INTS4: variants seen among roughly 807,000 people sequenced by gnomAD.
INTS4 encodes the protein MSTP093.
Under a neutral mutation model 119.5 loss-of-function variants are expected in INTS4, and 70 were observed. That is an observed-to-expected ratio of 0.59 (90% CI 0.48 to 0.71). The LOEUF (loss-of-function observed/expected upper bound fraction) is 0.71. Ranked by LOEUF, INTS4 falls within the 30% of genes least tolerant of loss-of-function variation. The probability of loss-of-function intolerance (pLI) is 0.00; values close to 1 mark genes in which losing one functional copy is unlikely to be tolerated. For missense variants in INTS4, 867 were observed against 1,173.2 expected (o/e 0.74, Z 3.81); for synonymous variants, 316 against 419.6 (o/e 0.75, Z 3.02).
chr11:77,964,533 C>T (rs1001050332), intron 4 of INTS4, among the ~76,000 whole-genome samples: 2 of 151,778 alleles, frequency 1.3e-5, no homozygotes, highest in Admixed American at 6.6e-5. Context: ...GAGATCGCGC[C>T]ACTGCACTCC....
intron 5 of INTS4, 141 bp downstream of exon 5, chr11:77,960,812 C>A: frequency 2.9e-6 from 2 of 694,748 alleles, no homozygotes; most frequent in Non-Finnish European, 2.3e-6. Context: ...ATGTGTGTCA[C>A]TGAGTTCTGC....
At chr11:77,891,078 T>C in intron 21 of INTS4, among the ~76,000 whole-genome samples, 1 of 152,144 alleles carries the variant, frequency 6.6e-6, no homozygotes, top group Non-Finnish European at 1.5e-5. Context: ...ATACATTATC[T>C]CTTTATGTCA....
At chr11:77,990,686 CAAAAAA>C (rs781257703) in intron 2 of INTS4, among the ~76,000 whole-genome samples, 5 of 98,480 alleles carry the variant, frequency 5.1e-5, no homozygotes, top group East Asian at 2.9e-4. Context: ...ACTCTGTCTC[CAAAAAA>C]AAAAAAAAAA....
intron 22 of INTS4, among the ~76,000 whole-genome samples, chr11:77,881,380 A>G (rs1469301780): frequency 6.6e-6 from 1 of 152,160 alleles, no homozygotes; most frequent in African/African-American, 2.4e-5. Flanking sequence ...AGCTCCCTAG[A>G]AACTCCAGGC....
At chr11:77,957,520 A>G (rs1954358821) in intron 7 of INTS4, among the ~76,000 whole-genome samples, 1 of 151,574 alleles carries the variant, frequency 6.6e-6, no homozygotes, top group Non-Finnish European at 1.5e-5. Flanking sequence ...ACTGCACTGC[A>G]GCCTGGGCCA....
intron 11 of INTS4, among the ~76,000 whole-genome samples, chr11:77,925,112 C>T (rs1464131135): frequency 6.6e-6 from 1 of 152,076 alleles, no homozygotes; most frequent in Non-Finnish European, 1.5e-5. Context: ...CTTCCTTTTC[C>T]ATCCTATCTG....
downstream of INTS4, among the ~76,000 whole-genome samples, chr11:77,875,376 TTTTG>T (rs1326337808): frequency 1.3e-5 from 2 of 152,318 alleles, no homozygotes; most frequent in Admixed American, 6.5e-5. Flanking sequence ...TGGAGACATG[TTTTG>T]TTTGTCTCAG....
intron 15 of INTS4, among the ~76,000 whole-genome samples, chr11:77,909,792 T>G (rs1316398425): frequency 3.9e-5 from 6 of 152,266 alleles, no homozygotes; most frequent in Non-Finnish European, 7.3e-5. Flanking sequence ...TTATTGGTGA[T>G]TTAAAACATT....
intron 2 of INTS4, among the ~76,000 whole-genome samples, chr11:77,984,673 C>T (rs1477065285): frequency 6.6e-6 from 1 of 151,814 alleles, no homozygotes; most frequent in African/African-American, 2.4e-5. Flanking sequence ...ATGAACTGCA[C>T]ACTTAAAATG....
chr11:77,928,506 G>T lies in INTS4; in HGVS notation c.1207C>A (p.Gln403Lys), dbSNP rs1328990001. Residue 403 changes from glutamine to lysine, a missense_variant, in exon 11 of 23, where the codon CAG (glutamine) becomes AAG (lysine). Physicochemically the swap from Gln to Lys is moderately conservative, Grantham distance 53 (BLOSUM62 1). Coordinates refer to ENST00000534064, the MANE Select transcript of INTS4 (RefSeq NM_033547.4). Reference protein sequence around the residue: ...AAVEALCMLAQSSPSFAEKCL... With the variant: ...AAVEALCMLAKSSPSFAEKCL... ...TTCTCAGCAAAAGAGGGTGAAGACT[G>T]GGCCAACATGCAGAGGGCCTCCACA... 8 of 1,599,502 alleles carry T rather than the reference G, an allele frequency of 5.0e-6. No individual in the cohort carries two copies. Among genetic ancestry groups the T allele is most frequent in the Non-Finnish European group, 6.0e-6 (7 of 1,171,834 alleles).
chr11:77,979,235 C>A (rs1856089978), intron 3 of INTS4, 133 bp from the exon 4 acceptor site: 1 of 534,794 alleles, frequency 1.9e-6, no homozygotes, highest in Non-Finnish European at 3.5e-6. Context: ...CTTTGAGAAG[C>A]CTAGGCAGGA....
At chr11:77,934,792 T>C (rs1306217839) in intron 10 of INTS4, among the ~76,000 whole-genome samples, 1 of 152,152 alleles carries the variant, frequency 6.6e-6, no homozygotes, top group African/African-American at 2.4e-5. Flanking sequence ...TCACAGAGAA[T>C]CAAAAAGCAG....
chr11:77,917,073 C>T (rs927479053), intron 15 of INTS4, among the ~76,000 whole-genome samples: 42 of 152,242 alleles, frequency 2.8e-4, no homozygotes, highest in South Asian at 8.3e-4. Flanking sequence ...GAACAAAGTA[C>T]AAAGCGCTGT....
chr11:77,976,744 C>T (rs1855967287), intron 4 of INTS4, among the ~76,000 whole-genome samples: 2 of 152,126 alleles, frequency 1.3e-5, no homozygotes, highest in South Asian at 2.1e-4. Flanking sequence ...TCCTATGCAG[C>T]CATAAAAAAT....
intron 4 of INTS4, among the ~76,000 whole-genome samples, chr11:77,968,505 G>T (rs1855585532): frequency 6.6e-6 from 1 of 152,150 alleles, no homozygotes; most frequent in Non-Finnish European, 1.5e-5. Context: ...GGGACATGGG[G>T]AGTTATTGTT....
At chr11:77,925,874 T>C (rs1430978670) in intron 11 of INTS4, among the ~76,000 whole-genome samples, 2 of 152,236 alleles carry the variant, frequency 1.3e-5, no homozygotes, top group Admixed American at 1.3e-4. Context: ...GAAGTTATTC[T>C]CCCAGTCTTC....
chr11:77,956,063 C>T lies in INTS4; in HGVS notation c.798-1G>A. On this transcript the variant is annotated splice_acceptor_variant, in intron 7 of 22. Coordinates refer to ENST00000534064, the MANE Select transcript of INTS4 (RefSeq NM_033547.4). LOFTEE classifies it high-confidence loss of function. ...ATTAGAAGAAGGAATTGGGACAATG[C>T]TAAATTAAAAGAAAAGAAATGAAAT... 2.5e-6 allele frequency: 4 copies of T among 1,588,114 alleles called. No homozygotes were observed. The highest frequency in any genetic ancestry group is 3.4e-6 in the Non-Finnish European group (4 of 1,172,966).
At chr11:77,916,222 G>C (rs985650001) in intron 15 of INTS4, among the ~76,000 whole-genome samples, 33 of 152,210 alleles carry the variant, frequency 2.2e-4, no homozygotes, top group African/African-American at 7.5e-4. Flanking sequence ...TTTAACGATG[G>C]AGATACATTC....
At chr11:77,949,900 A>G (rs1276420252) in intron 8 of INTS4, among the ~76,000 whole-genome samples, 1 of 152,222 alleles carries the variant, frequency 6.6e-6, no homozygotes, top group Non-Finnish European at 1.5e-5. Context: ...TCATTCTACT[A>G]TAAAAACACA....
Sources: gnomAD v4.1 joint callset for allele counts (sites outside exome capture counted in the v4.1 genomes callset) on GRCh38, gnomAD v4.1.1 for gene constraint, MANE v1.5 for transcripts, NCBI Gene and HGNC (gene_info 2026-07-23, HGNC 2026-07-21) for gene names.